Variants in MEIS2 observed in about 807,000 individuals in gnomAD.
MEIS2 encodes homeobox protein Meis2.
A neutral mutation model predicts 58.6 loss-of-function variants in MEIS2; 9 were observed. That is an observed-to-expected ratio of 0.15 (90% CI 0.09 to 0.27). The LOEUF is 0.27. Among genes scored for constraint, MEIS2 ranks in the 10% least tolerant of loss-of-function variants. MEIS2 has a pLI of 1.00. For synonymous variants in MEIS2, 221 were observed against 228.4 expected (o/e 0.97, Z 0.29); for missense variants, 427 against 635.0 (o/e 0.67, Z 3.52).
At chr15:37,020,583 C>T (rs2061491823) in intron 8 of MEIS2, among the ~76,000 whole-genome samples, 1 of 151,974 alleles carries the variant, frequency 6.6e-6, no homozygotes, top group Admixed American at 6.6e-5. Context: ...GTTCTCTACT[C>T]CAAGATAAGA....
At chr15:36,893,415 G>A (rs969637692) in intron 11 of MEIS2, among the ~76,000 whole-genome samples, 1 of 152,182 alleles carries the variant, frequency 6.6e-6, no homozygotes, top group African/African-American at 2.4e-5. Flanking sequence ...TAGATCCGCA[G>A]TCCATTATTA....
intron 7 of MEIS2, among the ~76,000 whole-genome samples, chr15:37,038,085 C>T (rs2062238918): frequency 6.6e-6 from 1 of 152,164 alleles, no homozygotes; most frequent in African/African-American, 2.4e-5. Flanking sequence ...CCTGGAAGGA[C>T]ATCTGGGAAT....
At chr15:37,087,332 C>T (rs1255714774) in intron 6 of MEIS2, among the ~76,000 whole-genome samples, 6 of 152,074 alleles carry the variant, frequency 3.9e-5, no homozygotes, top group African/African-American at 1.4e-4. Context: ...AGGAGAAAAG[C>T]AGTGAATACT....
At chr15:37,098,359 G>C in intron 1 of MEIS2, 160 bp from the exon 2 acceptor site, 2 of 1,075,916 alleles carry the variant, frequency 1.9e-6, no homozygotes, top group Admixed American at 9.3e-5. Flanking sequence ...GAGAGGAGGA[G>C]GAGGAAAAGG....
In MEIS2 at chr15:37,036,888, G is replaced by A. The variant is rs1452423816; in HGVS notation, c.826C>T (p.Arg276Cys). 2 of 1,613,680 alleles carry A rather than the reference G, an allele frequency of 1.2e-6. No homozygotes were observed. The highest frequency in any genetic ancestry group is 1.3e-5 in the African/African-American group (1 of 74,796). Residue 276 changes from arginine to cysteine, a missense_variant, in exon 8 of 12, where the codon CGC (arginine) becomes TGC (cysteine). This residue lies in a region of MEIS2 where 138 missense variants were observed against 263.0 expected (regional missense o/e 0.52). Transcript: ENST00000561208. ...GGGAAAATGCCTCTTTTCTTCTGGC[G>A]TTTTTTGTCCTTATCCGGATCATCA... ...DDDDPDKDKKRQKKRGIFPKV... is the reference protein window; with the variant it reads ...DDDDPDKDKKCQKKRGIFPKV...
chr15:37,084,416 T>C (rs1892627121), intron 6 of MEIS2, among the ~76,000 whole-genome samples: 1 of 152,158 alleles, frequency 6.6e-6, no homozygotes, highest in Admixed American at 6.5e-5. Flanking sequence ...TAAAACAACC[T>C]ATACAAACTC....
chr15:36,919,708 T>C (rs545020127), intron 9 of MEIS2, among the ~76,000 whole-genome samples: 6 of 152,328 alleles, frequency 3.9e-5, no homozygotes, highest in African/African-American at 1.2e-4. Flanking sequence ...CACCTAAACA[T>C]TGGAGGATGA....
intron 1 of MEIS2, 42 bp from the exon 2 acceptor site, chr15:37,098,241 G>A: frequency 1.3e-6 from 2 of 1,519,690 alleles, no homozygotes; most frequent in Non-Finnish European, 1.8e-6. Context: ...AGGAGGTGAG[G>A]GAGAACAGAG....
chr15:36,985,722 G>T (rs2060072649), intron 8 of MEIS2, among the ~76,000 whole-genome samples: 1 of 152,098 alleles, frequency 6.6e-6, no homozygotes, highest in Admixed American at 6.5e-5. Flanking sequence ...TTCAATATCT[G>T]TTTGTTATAG....
At chr15:36,901,037 T>C (rs1295948119) in intron 9 of MEIS2, 1 of 152,188 alleles carries the variant, frequency 6.6e-6, no homozygotes, top group Admixed American at 6.5e-5. Context: ...TGAGGAGGAA[T>C]CAAGAATAGC....
chr15:37,012,964 A>G (rs2061215023), intron 8 of MEIS2, among the ~76,000 whole-genome samples: 3 of 152,220 alleles, frequency 2.0e-5, no homozygotes, highest in South Asian at 2.1e-4. Context: ...AAAGCTTGAC[A>G]GTATTTGGGT....
chr15:36,970,997 A>G (rs992694098), intron 8 of MEIS2, among the ~76,000 whole-genome samples: 2 of 152,052 alleles, frequency 1.3e-5, no homozygotes, highest in Non-Finnish European at 2.9e-5. Context: ...AGAAACTTTT[A>G]GAAGTTTTAA....
chr15:36,972,534 G>C (rs1595844307), intron 8 of MEIS2, among the ~76,000 whole-genome samples: 1 of 152,266 alleles, frequency 6.6e-6, no homozygotes, highest in South Asian at 2.1e-4. Context: ...TGGGATTACA[G>C]GTGTGAGCCA....
At position 37,098,122 on chromosome 15, in the gene MEIS2, C is replaced by T. The variant is rs376901048; in HGVS notation, c.90G>A (p.Pro30=). 2 of 1,613,254 alleles carry T rather than the reference C, an allele frequency of 1.2e-6. No individual in the cohort carries two copies. Among genetic ancestry groups the T allele is most frequent in the Non-Finnish European group, 1.7e-6 (2 of 1,179,830 alleles). Residue 30 remains proline (P), a synonymous_variant, in exon 2 of 12, where the codon CCG becomes CCA. Coordinates refer to ENST00000561208, the MANE Select transcript of MEIS2 (RefSeq NM_170675.5). ...PASMYGDPHA[P]RPIPPVHHLN... ...GGTGGTGAACCGGGGGGATCGGCCG[C>T]GGCGCGTGAGGGTCTCCGTACATGG...
chr15:36,977,978 T>C (rs2059813980), intron 8 of MEIS2, among the ~76,000 whole-genome samples: 3 of 152,216 alleles, frequency 2.0e-5, no homozygotes, highest in African/African-American at 4.8e-5. Context: ...TTGAAAACTT[T>C]CCTTGCTAGC....
chr15:36,986,607 C>T (rs1166866930), intron 8 of MEIS2, among the ~76,000 whole-genome samples: 4 of 152,288 alleles, frequency 2.6e-5, no homozygotes, highest in East Asian at 1.9e-4. Context: ...AGATCTGAGG[C>T]CCAGCTCCTG....
At chr15:36,940,471 G>C (rs1451083149) in intron 9 of MEIS2, among the ~76,000 whole-genome samples, 1 of 151,962 alleles carries the variant, frequency 6.6e-6, no homozygotes, top group African/African-American at 2.4e-5. Flanking sequence ...TTTTTAATTG[G>C]TATCACTTTG....
intron 1 of MEIS2, 144 bp from the exon 2 acceptor site, chr15:37,098,343 A>G: frequency 8.3e-7 from 1 of 1,206,668 alleles, no homozygotes; most frequent in Non-Finnish European, 1.0e-6. Flanking sequence ...GGGAGGTAAG[A>G]GAGAAGAGAG....
rs12593666 is a variant in MEIS2, at chr15:37,067,017, G to A, written c.754+16754C>T. ...CCTAGTCTCGAATACCTGGCTTTAA[G>A]TGATTCACCTGCTTTGGCCTCCCAA... On this transcript the variant is annotated intron_variant, in intron 7 of 11. Transcript: ENST00000561208. Among the ~76,000 whole-genome samples the A allele has an allele frequency of 7.3e-4, 111 of 151,476 alleles. 1 individual carries two copies. The East Asian group carries it at 0.019, about 26-fold the overall frequency.
Sources: gnomAD v4.1 joint callset for allele counts (sites outside exome capture counted in the v4.1 genomes callset) on GRCh38, gnomAD v4.1.1 for gene constraint, gnomAD v4.1.1 regional missense constraint, MANE v1.5 for transcripts, NCBI Gene and HGNC (gene_info 2026-07-23, HGNC 2026-07-21) for gene names.